The following IL36A variants were observed in gnomAD, a reference collection of about 807,000 sequenced individuals.
The protein encoded by IL36A is interleukin-36 alpha.
IL36A carries 13 observed loss-of-function variants against 12.7 expected under a neutral mutation model. That is an observed-to-expected ratio of 1.02 (90% CI 0.67 to 1.63). IL36A has a LOEUF of 1.63. Ranked by LOEUF, IL36A falls within the 40% of genes most tolerant of loss-of-function variation. The pLI is 0.00. For missense variants in IL36A, 195 were observed against 192.9 expected (o/e 1.01, Z -0.07); for synonymous variants, 73 against 71.9 (o/e 1.01, Z -0.08).
At chr2:113,008,141 C>G (rs1208401978), downstream of IL36A, 1 of 999,148 alleles carries the variant, frequency 1.0e-6, no homozygotes, top group East Asian at 2.5e-5. Flanking sequence ...GGACTTTCCA[C>G]CTAAGAGTAT....
Position 113,007,846 on chromosome 2 carries a change from G to A in IL36A, c.279G>A (p.Met93Ile), listed in dbSNP as rs534045613. The A allele has an allele frequency of 6.2e-7, 1 of 1,613,924 alleles. No individual in the cohort carries two copies. Among genetic ancestry groups the A allele is most frequent in the Admixed American group, 1.7e-5 (1 of 60,006 alleles). Residue 93 changes from methionine (M) to isoleucine (I), a missense_variant, in exon 4 of 4, where the codon ATG (methionine) becomes ATA (isoleucine). Met to Ile is a conservative substitution (Grantham distance 10). Transcript: ENST00000259211. ...PTLQLKEKDI[M>I]DLYNQPEPVK... is the part of the protein sequence containing the mutation. ...GCACCCTTCAGGAAAAGGATATAAT[G>A]GATTTGTACAACCAACCCGAGCCTG...
At chr2:113,006,210 A>C (rs907051463) in intron 2 of IL36A, 123 bp downstream of exon 2, 50 of 708,360 alleles carry the variant, frequency 7.1e-5, no homozygotes, top group Admixed American at 1.4e-4. Context: ...AGCATCTCAC[A>C]GACAATAATG....
At position 113,006,107 on chromosome 2, in the gene IL36A, GA is replaced by G; in HGVS notation, c.124+23del. On this transcript the variant is annotated intron_variant, in intron 2 of 3. Coordinates refer to ENST00000259211, the MANE Select transcript of IL36A (RefSeq NM_014440.3). ...CTCCAGGTGAGTAGCCACGGTCTGT[GA>G]AAGGCAGCTCCTTTGGCCAGTGCTG... The G allele has an allele frequency of 6.7e-7, 1 of 1,488,186 alleles. No individual in the cohort carries two copies. Among genetic ancestry groups the G allele is most frequent in the Non-Finnish European group, 9.4e-7 (1 of 1,065,430 alleles). 92.2% of individuals were successfully genotyped at this position (1,488,186 alleles called of 1,614,324 possible).
chr2:113,005,788 G>A lies in IL36A; in HGVS notation c.-84G>A, dbSNP rs1437967898. 5 of 1,476,312 alleles carry A rather than the reference G, an allele frequency of 3.4e-6. No homozygotes were observed. In the East Asian group the frequency reaches 1.1e-4, roughly 33 times the overall value. 91.5% of individuals were successfully genotyped at this position (1,476,312 alleles called of 1,614,324 possible). ...CTGACCCAGGGTTAAACTGTGGCTT[G>A]GGACTGACTCAGGTCCTCTCTTGGG... On this transcript the variant is annotated 5_prime_UTR_variant, in exon 1 of 4. Transcript: ENST00000259211.
chr2:113,006,815 A>G (rs1684633120), intron 3 of IL36A, 78 bp downstream of exon 3: 1 of 1,462,810 alleles, frequency 6.8e-7, no homozygotes. Flanking sequence ...CAATGTACTT[A>G]TTATGCTCAT....
At chr2:113,006,213 C>T (rs979825533) in intron 2 of IL36A, 126 bp downstream of exon 2, 3 of 700,504 alleles carry the variant, frequency 4.3e-6, no homozygotes, top group Admixed American at 4.2e-5. Flanking sequence ...ATCTCACAGA[C>T]AATAATGAAT....
intron 3 of IL36A, 147 bp downstream of exon 3, chr2:113,006,884 T>A (rs1223161345): frequency 2.7e-5 from 18 of 675,756 alleles, no homozygotes; most frequent in Non-Finnish European, 3.8e-5. Flanking sequence ...TAAGAAAAAT[T>A]GCAGGGACAT....
intron 3 of IL36A, 125 bp downstream of exon 3, chr2:113,006,862 G>A: frequency 1.1e-6 from 1 of 929,650 alleles, no homozygotes; most frequent in Non-Finnish European, 1.6e-6. Flanking sequence ...GTTGGTATAT[G>A]TTATGAAAGA....
At position 113,005,662 on chromosome 2, in the gene IL36A, G is replaced by T; in HGVS notation, c.-210G>T. The T allele has an allele frequency of 1.6e-6, 1 of 623,624 alleles. No homozygotes were observed. The highest frequency in any genetic ancestry group is 2.9e-6 in the Non-Finnish European group (1 of 345,520). The allele number at this position is 623,624 out of a possible 1,614,324, so 38.6% of individuals were successfully genotyped here. ...AGGATTCATAGGTGCAGCTGCTTCTGCTGGAGGTAGACTGCATCCAACAAA... is the reference window on the plus strand; with the variant it reads ...AGGATTCATAGGTGCAGCTGCTTCTTCTGGAGGTAGACTGCATCCAACAAA... On this transcript the variant is annotated 5_prime_UTR_variant, in exon 1 of 4. Coordinates refer to ENST00000259211, the MANE Select transcript of IL36A (RefSeq NM_014440.3).
Position 113,006,653 on chromosome 2 carries a change from G to A in IL36A, c.180G>A (p.Gly60=), listed in dbSNP as rs148950825. The A allele has an allele frequency of 6.2e-7, 1 of 1,614,112 alleles. No homozygotes were observed. Among genetic ancestry groups the A allele is most frequent in the Non-Finnish European group, 8.5e-7 (1 of 1,179,992 alleles). Residue 60 remains glycine, a synonymous_variant, in exon 3 of 4, where the codon GGG becomes GGA. Transcript: ENST00000259211. ...TGGAGACCCTTGAGAAAGACAGAGG[G>A]AACCCCATCTACCTGGGCCTGAATG... ...RHVETLEKDR[G]NPIYLGLNGL...
chr2:113,005,929 C>T (rs1684606796), intron 1 of IL36A, 45 bp from the exon 2 acceptor site: 1 of 1,612,490 alleles, frequency 6.2e-7, no homozygotes, highest in Non-Finnish European at 8.5e-7. Flanking sequence ...GGGTGATATT[C>T]TGTGCTCTCA....
rs1361540670 is a variant in IL36A at position 113,006,035 on chromosome 2, T to A, written c.72T>A (p.Val24=). 1.9e-6 allele frequency: 3 copies of A among 1,614,034 alleles called. No individual in the cohort carries two copies. The highest frequency in any genetic ancestry group is 2.5e-6 in the Non-Finnish European group (3 of 1,179,996). ...SIQDINHRVW[V]LQDQTLIAVP... Reference sequence around the variant, plus strand: ...AGGATATCAATCATCGGGTGTGGGTTCTTCAGGACCAGACGCTCATAGCAG... The same window carrying A: ...AGGATATCAATCATCGGGTGTGGGTACTTCAGGACCAGACGCTCATAGCAG... Residue 24 remains valine, a synonymous_variant, in exon 2 of 4, where the codon GTT becomes GTA. Transcript: ENST00000259211.
intron 2 of IL36A, 122 bp from the exon 3 acceptor site, chr2:113,006,476 G>C: frequency 9.7e-7 from 1 of 1,035,046 alleles, no homozygotes; most frequent in South Asian, 1.5e-5. Flanking sequence ...GTGGTGGGTG[G>C]TGAGGTGACC....
chr2:113,009,271 A>T (rs1218441680), downstream of IL36A, among the ~76,000 whole-genome samples: 1 of 151,244 alleles, frequency 6.6e-6, no homozygotes, highest in Non-Finnish European at 1.5e-5. Context: ...AGGGATCTAG[A>T]ACTAGAAATA....
downstream of IL36A, among the ~76,000 whole-genome samples, chr2:113,008,762 T>C (rs1272127882): frequency 1.3e-5 from 2 of 151,916 alleles, no homozygotes; most frequent in African/African-American, 4.8e-5. Flanking sequence ...TTACATATGC[T>C]GGTGCTGGTT....
rs754865280 is a variant in IL36A, at chr2:113,006,680, ACTCAAT to A, written c.211_216del (p.Asn71_Leu72del). ...ACCCCATCTACCTGGGCCTGAATGG[ACTCAAT>A]CTCTGCCTGATGTGTGCTAAAGTCG... On this transcript the variant is annotated inframe_deletion, in exon 3 of 4. Transcript: ENST00000259211. The A allele has an allele frequency of 6.2e-7, 1 of 1,614,050 alleles. No homozygotes were observed. Among genetic ancestry groups the A allele is most frequent in the Non-Finnish European group, 8.5e-7 (1 of 1,179,998 alleles).
At chr2:113,007,441 G>A (rs926587496) in intron 3 of IL36A, among the ~76,000 whole-genome samples, 4 of 152,186 alleles carry the variant, frequency 2.6e-5, no homozygotes, top group African/African-American at 7.2e-5. Context: ...TGCCTAAAAT[G>A]TCAATAGTGC....
At position 113,005,573 on chromosome 2, in the gene IL36A, TGC is replaced by T; in HGVS notation, c.-298_-297del. The T allele has an allele frequency of 1.1e-5, 6 of 522,494 alleles. No individual in the cohort carries two copies. The highest frequency in any genetic ancestry group is 3.3e-5 in the East Asian group (1 of 30,522). 32.4% of individuals were successfully genotyped at this position (522,494 alleles called of 1,614,324 possible). A position where few individuals can be genotyped will look rare whatever the true frequency, so the allele number is the denominator to read the frequency against. ...AAGTCTGGTGACCTCTGATTTTTTT[TGC>T]TTCCAGGTCTTTGGCCTTGGCACTC... On this transcript the variant is annotated 5_prime_UTR_variant, in exon 1 of 4. It introduces an in-frame stop codon into an upstream open reading frame of the 5' UTR. Transcript: ENST00000259211.
downstream of IL36A, chr2:113,008,047 TC>T: frequency 1.2e-6 from 2 of 1,612,374 alleles, no homozygotes; most frequent in Non-Finnish European, 1.7e-6. Flanking sequence ...TGTTTTAAGG[TC>T]AGTTGGGTTT....
Sources: gnomAD v4.1 joint callset for allele counts (sites outside exome capture counted in the v4.1 genomes callset) on GRCh38, gnomAD v4.1.1 for gene constraint, MANE v1.5 for transcripts, NCBI Gene and HGNC (gene_info 2026-07-23, HGNC 2026-07-21) for gene names.